The following ANO10 variants were observed in gnomAD, a reference collection of about 807,000 sequenced individuals.
The protein encoded by ANO10 is anoctamin 10, also known as anoctamin-10.
A neutral mutation model predicts 74.7 loss-of-function variants in ANO10; 77 were observed. That is an observed-to-expected ratio of 1.03 (90% CI 0.86 to 1.25). ANO10 has a LOEUF of 1.25. ANO10 is among the 50% of genes most tolerant of loss of function. The pLI is 0.00. For missense variants in ANO10, 721 were observed against 778.1 expected (o/e 0.93, Z 0.87); for synonymous variants, 279 against 284.9 (o/e 0.98, Z 0.21).
At chr3:43,683,783 A>G (rs554344466) in intron 1 of ANO10, among the ~76,000 whole-genome samples, 120 of 152,262 alleles carry the variant, frequency 7.9e-4, no homozygotes, top group African/African-American at 2.8e-3. Flanking sequence ...CCACACATCT[A>G]CAACCATCTG....
At chr3:43,414,390 A>C (rs762538890) in intron 12 of ANO10, among the ~76,000 whole-genome samples, 2 of 152,180 alleles carry the variant, frequency 1.3e-5, no homozygotes. Flanking sequence ...TAGAAACTCT[A>C]TGTTCTGATT....
At chr3:43,596,989 T>C (rs1323345563) in intron 4 of ANO10, among the ~76,000 whole-genome samples, 2 of 152,224 alleles carry the variant, frequency 1.3e-5, no homozygotes, top group African/African-American at 4.8e-5. Flanking sequence ...AAGACATTTA[T>C]GCAGCCAACA....
chr3:43,582,283 C>G (rs967274588), intron 4 of ANO10, among the ~76,000 whole-genome samples: 6 of 152,078 alleles, frequency 3.9e-5, no homozygotes, highest in Non-Finnish European at 8.8e-5. Context: ...AACCCCATCT[C>G]TACTAAAAAT....
At chr3:43,571,692 G>A (rs1368589442) in intron 7 of ANO10, among the ~76,000 whole-genome samples, 1 of 151,526 alleles carries the variant, frequency 6.6e-6, no homozygotes, top group Non-Finnish European at 1.5e-5. Context: ...TTGTGGGGTG[G>A]GGGCAGGGGG....
At chr3:43,458,835 T>G (rs2075255098) in intron 11 of ANO10, among the ~76,000 whole-genome samples, 1 of 151,902 alleles carries the variant, frequency 6.6e-6, no homozygotes, top group South Asian at 2.1e-4. Context: ...CAGGCCCGGG[T>G]GTGTGATATT....
At chr3:43,505,158 A>G (rs2077246835) in intron 11 of ANO10, among the ~76,000 whole-genome samples, 1 of 152,240 alleles carries the variant, frequency 6.6e-6, no homozygotes, top group Non-Finnish European at 1.5e-5. Context: ...ATAAAATGCC[A>G]TCGAGTTTTT....
At chr3:43,561,779 A>T (rs1437565848) in intron 8 of ANO10, among the ~76,000 whole-genome samples, 1 of 152,236 alleles carries the variant, frequency 6.6e-6, no homozygotes, top group Non-Finnish European at 1.5e-5. Flanking sequence ...GATACATTTT[A>T]TGTATTAAAA....
In ANO10 at chr3:43,579,909, C is replaced by T. The variant is rs569695937; in HGVS notation, c.592+444G>A. 2.0e-5 allele frequency among the ~76,000 whole-genome samples: 3 copies of T among 152,120 alleles called. No individual in the cohort carries two copies. The South Asian group carries it at 6.2e-4, about 32-fold the overall frequency. ...ATAGCTCAGACCCATAATCCCAACA[C>T]TTTGGGAGCCCAAGGCACAAGGATC... On this transcript the variant is annotated intron_variant, in intron 5 of 12. Transcript: ENST00000292246.
chr3:43,517,283 GT>G (rs1281299893), intron 11 of ANO10, among the ~76,000 whole-genome samples: 1 of 152,068 alleles, frequency 6.6e-6, no homozygotes, highest in Non-Finnish European at 1.5e-5. Flanking sequence ...GTAATATCCA[GT>G]TGTGTTTAGC....
intron 11 of ANO10, among the ~76,000 whole-genome samples, chr3:43,547,111 A>T (rs2079229619): frequency 1.3e-5 from 2 of 152,208 alleles, no homozygotes; most frequent in African/African-American, 2.4e-5. Flanking sequence ...CTCTTCTGAG[A>T]CCATTGAGAC....
At chr3:43,582,446 CA>C (rs530833700) in intron 4 of ANO10, among the ~76,000 whole-genome samples, 55 of 136,950 alleles carry the variant, frequency 4.0e-4, no homozygotes, top group East Asian at 6.3e-4. Context: ...GACTCCGTCT[CA>C]AAAAAAAAAA....
intron 1 of ANO10, chr3:43,638,947 A>T (rs2083641537): frequency 1.3e-5 from 2 of 152,260 alleles, no homozygotes; most frequent in Admixed American, 6.5e-5. Flanking sequence ...ACCTGCAGTC[A>T]TCTGAAGGCT....
At chr3:43,536,575 G>C (rs564571316) in intron 11 of ANO10, among the ~76,000 whole-genome samples, 10 of 152,210 alleles carry the variant, frequency 6.6e-5, no homozygotes, top group African/African-American at 2.4e-4. Flanking sequence ...CAATACTCAA[G>C]ATGAGCAGCT....
Position 43,605,734 on chromosome 3 carries a change from A to G in ANO10, c.119T>C (p.Ile40Thr), listed in dbSNP as rs1267879663. 3 of 1,613,394 alleles carry G rather than the reference A, an allele frequency of 1.9e-6. No homozygotes were observed. Among genetic ancestry groups the G allele is most frequent in the South Asian group, 2.2e-5 (2 of 91,064 alleles). The change falls in exon 2 of 13, where the codon ATA (isoleucine) becomes ACA (threonine). Residue 40 changes from isoleucine (I) to threonine (T), a missense_variant. Transcript: ENST00000292246. ...CTCACCTCCATCTTTTTTTTTAGCT[A>G]TAATTCTGTTTTTCAGCCATTCTTT... ...ETKEWLKNRI[I>T]AKKKDGGAQL...
intron 12 of ANO10, among the ~76,000 whole-genome samples, chr3:43,402,050 T>G (rs1276386274): frequency 1.3e-5 from 2 of 152,244 alleles, no homozygotes; most frequent in Non-Finnish European, 2.9e-5. Context: ...CAGTGGGCTC[T>G]TCCTTCAATC....
intron 12 of ANO10, among the ~76,000 whole-genome samples, chr3:43,418,021 G>A (rs945366303): frequency 3.9e-4 from 59 of 152,340 alleles, no homozygotes; most frequent in Middle Eastern, 6.8e-3. Context: ...GCTCACGCCT[G>A]TAATCCCAGC....
At chr3:43,501,226 A>G (rs1277988290) in intron 11 of ANO10, among the ~76,000 whole-genome samples, 1 of 152,132 alleles carries the variant, frequency 6.6e-6, no homozygotes, top group Admixed American at 6.5e-5. Flanking sequence ...TCACATGGCA[A>G]GAGAGGAAGC....
intron 1 of ANO10, among the ~76,000 whole-genome samples, chr3:43,638,383 T>C (rs910670093): frequency 7.2e-5 from 11 of 152,330 alleles, no homozygotes; most frequent in Non-Finnish European, 5.9e-5. Context: ...TTGGAAATTT[T>C]GTATTATAAT....
At chr3:43,657,296 T>C (rs1036199260) in intron 1 of ANO10, among the ~76,000 whole-genome samples, 4 of 152,168 alleles carry the variant, frequency 2.6e-5, no homozygotes, top group African/African-American at 9.7e-5. Flanking sequence ...AATAATGACA[T>C]CAATTGTACA....
Sources: gnomAD v4.1 joint callset for allele counts (sites outside exome capture counted in the v4.1 genomes callset) on GRCh38, gnomAD v4.1.1 for gene constraint, MANE v1.5 for transcripts, NCBI Gene and HGNC (gene_info 2026-07-23, HGNC 2026-07-21) for gene names.